Variants in BEND7 observed in about 807,000 individuals in gnomAD.
The protein encoded by BEND7 is BEN domain-containing protein 7.
BEND7 carries 28 observed loss-of-function variants against 50.9 expected under a neutral mutation model. The observed-to-expected ratio is 0.55, with a 90% CI of 0.41 to 0.75. The LOEUF is 0.75. Among genes scored for constraint, BEND7 ranks in the 30% least tolerant of loss-of-function variants. The pLI, the probability that BEND7 is intolerant of heterozygous loss-of-function variation, is 0.00. For synonymous variants in BEND7, 170 were observed against 183.9 expected (o/e 0.92, Z 0.61); for missense variants, 477 against 491.3 (o/e 0.97, Z 0.28).
At chr10:13,461,452 G>A (rs1564266088) in intron 6 of BEND7, among the ~76,000 whole-genome samples, 1 of 152,224 alleles carries the variant, frequency 6.6e-6, no homozygotes, top group Non-Finnish European at 1.5e-5. Flanking sequence ...TCTAAAGGCA[G>A]CCAGGCACAG....
intron 5 of BEND7, among the ~76,000 whole-genome samples, chr10:13,483,513 G>T (rs1278723838): frequency 6.6e-6 from 1 of 152,190 alleles, no homozygotes; most frequent in East Asian, 1.9e-4. Flanking sequence ...AAAATGACTG[G>T]TGTTGATTCA....
At chr10:13,472,101 G>A (rs555418409) in intron 6 of BEND7, among the ~76,000 whole-genome samples, 104 of 151,620 alleles carry the variant, frequency 6.9e-4, no homozygotes, top group African/African-American at 2.0e-3. Flanking sequence ...GTCGATACCC[G>A]TCATCACTGT....
downstream of BEND7, chr10:13,439,606 C>T: frequency 1.6e-5 from 17 of 1,092,458 alleles, no homozygotes; most frequent in South Asian, 3.1e-4. Context: ...AGTGACACCC[C>T]TCCTGGTTCG....
rs1472551320 is a variant in BEND7, at chr10:13,481,049, T to G, written c.913A>C (p.Thr305Pro). The G allele has an allele frequency of 2.5e-6, 4 of 1,614,058 alleles. No individual in the cohort carries two copies. Among genetic ancestry groups the G allele is most frequent in the African/African-American group, 1.3e-5 (1 of 74,984 alleles). The change falls in exon 6 of 9, where the codon ACT becomes CCT. Residue 305 changes from threonine (T) to proline (P), a missense_variant. By Grantham distance (38) the Thr-to-Pro change is conservative. This residue lies in a region of BEND7 where 396 missense variants were observed against 384.2 expected (regional missense o/e 1.03). Transcript: ENST00000466271. ...SQLDSILSNYTRSGSLLFRKL... is the reference protein window; with the variant it reads ...SQLDSILSNYPRSGSLLFRKL... Reference sequence around the variant, plus strand: ...CTAAACAGAAGGCTTCCTGAGCGAGTGTAGTTTGACAATATAGAGTCCAGC... The same window carrying G: ...CTAAACAGAAGGCTTCCTGAGCGAGGGTAGTTTGACAATATAGAGTCCAGC...
At chr10:13,503,130 A>T (rs3814660) in intron 2 of BEND7, among the ~76,000 whole-genome samples, 1 of 152,070 alleles carries the variant, frequency 6.6e-6, no homozygotes, top group Non-Finnish European at 1.5e-5. Context: ...GTTTTGCATA[A>T]CTTTGTATTT....
intron 8 of BEND7, chr10:13,446,605 T>C (rs1294717227): frequency 6.6e-6 from 1 of 152,510 alleles, no homozygotes; most frequent in African/African-American, 2.4e-5. Flanking sequence ...CCTGCCCCTC[T>C]GGCTCTCAGA....
At chr10:13,499,468 CA>C (rs1282223702) in intron 3 of BEND7, among the ~76,000 whole-genome samples, 2 of 152,084 alleles carry the variant, frequency 1.3e-5, no homozygotes, top group African/African-American at 4.8e-5. Context: ...CCCTAATGTT[CA>C]GGTTTTTTTT....
chr10:13,450,675 G>A (rs1588642937), intron 7 of BEND7, among the ~76,000 whole-genome samples: 1 of 152,110 alleles, frequency 6.6e-6, no homozygotes, highest in South Asian at 2.1e-4. Flanking sequence ...AAGTATCTGG[G>A]CAGATCATCT....
At chr10:13,508,046 G>A (rs200189228) in intron 2 of BEND7, among the ~76,000 whole-genome samples, 3 of 152,188 alleles carry the variant, frequency 2.0e-5, no homozygotes, top group Non-Finnish European at 4.4e-5. Context: ...GTGGGAGCAC[G>A]GAGCCAGGGC....
intron 6 of BEND7, among the ~76,000 whole-genome samples, chr10:13,467,144 G>C (rs1289256263): frequency 6.6e-6 from 1 of 152,192 alleles, no homozygotes; most frequent in Admixed American, 6.5e-5. Context: ...TTACACAGTG[G>C]CAACTCCCTT....
intron 6 of BEND7, among the ~76,000 whole-genome samples, chr10:13,465,536 T>C (rs2074153155): frequency 6.6e-6 from 1 of 152,178 alleles, no homozygotes; most frequent in South Asian, 2.1e-4. Context: ...GCTGATGTAA[T>C]GAAAAGGGCC....
intron 4 of BEND7, among the ~76,000 whole-genome samples, chr10:13,494,725 G>T (rs2076916160): frequency 6.6e-6 from 1 of 152,234 alleles, no homozygotes; most frequent in South Asian, 2.1e-4. Flanking sequence ...AGGAACACGG[G>T]GACTATCTGA....
intron 5 of BEND7, among the ~76,000 whole-genome samples, chr10:13,492,330 A>G (rs2076721261): frequency 6.6e-6 from 1 of 152,246 alleles, no homozygotes; most frequent in Non-Finnish European, 1.5e-5. Context: ...GAAAATTGTC[A>G]CTGCAAAATT....
intron 4 of BEND7, 55 bp from the exon 5 acceptor site, chr10:13,492,931 C>A: frequency 6.4e-7 from 1 of 1,562,656 alleles, no homozygotes; most frequent in Non-Finnish European, 8.6e-7. Flanking sequence ...CTTAGGAAAA[C>A]TTATCTCCGG....
intron 2 of BEND7, among the ~76,000 whole-genome samples, chr10:13,523,821 T>G (rs1357011872): frequency 2.0e-5 from 3 of 152,232 alleles, no homozygotes; most frequent in Admixed American, 6.5e-5. Flanking sequence ...ATTTCTGTTA[T>G]TTTTTCTTAA....
intron 7 of BEND7, among the ~76,000 whole-genome samples, chr10:13,449,136 A>C (rs1206637963): frequency 6.6e-6 from 1 of 152,152 alleles, no homozygotes. Context: ...GAAAGGCTTT[A>C]GGTATTTTAA....
At chr10:13,455,446 C>T (rs1469370133) in intron 6 of BEND7, among the ~76,000 whole-genome samples, 8 of 151,912 alleles carry the variant, frequency 5.3e-5, no homozygotes, top group Non-Finnish European at 1.2e-4. Flanking sequence ...ACAGAAGGGG[C>T]GGCTTGGTGC....
At position 13,441,156 on chromosome 10, in the gene BEND7, AAC is replaced by A. The variant is rs1356986769; in HGVS notation, c.*585_*586del. ...AGAGCATCTTGGGAATTGATACCAC[AAC>A]ACAATGTTATACACCATTTTCACAA... On this transcript the variant is annotated 3_prime_UTR_variant, in exon 9 of 9. Coordinates refer to ENST00000466271, the MANE Select transcript of BEND7 (RefSeq NM_001369863.1). 1 of 984,116 alleles carries A rather than the reference AAC, an allele frequency of 1.0e-6. No homozygotes were observed. The highest frequency in any genetic ancestry group is 1.2e-6 in the Non-Finnish European group (1 of 828,734). The allele number at this position is 984,116 out of a possible 1,614,324, so 61.0% of individuals were successfully genotyped here.
chr10:13,500,050 A>G lies in BEND7; in HGVS notation c.176T>C (p.Ile59Thr). 3.1e-6 allele frequency: 5 copies of G among 1,598,424 alleles called. No individual in the cohort carries two copies. The South Asian group carries it at 5.5e-5, about 18-fold the overall frequency. Residue 59 changes from isoleucine (I) to threonine (T), a missense_variant, in exon 3 of 9, where the codon ATT (isoleucine) becomes ACT (threonine). Ile to Thr is a moderately conservative substitution (Grantham distance 89, BLOSUM62 -1). This residue lies in a region of BEND7 where 396 missense variants were observed against 384.2 expected (regional missense o/e 1.03). Coordinates refer to ENST00000466271, the MANE Select transcript of BEND7 (RefSeq NM_001369863.1). ...GTTCAGCAATCTTCTCATCCCTGTA[A>G]TTTGCTTTTTTATTTCCATGCTTTC... ...GDESMEIKKQITGMRRLLNDS... is the reference protein window; with the variant it reads ...GDESMEIKKQTTGMRRLLNDS...
Sources: allele counts gnomAD v4.1 joint callset (sites outside exome capture counted in the v4.1 genomes callset), GRCh38; gene constraint gnomAD v4.1.1; regional missense constraint gnomAD v4.1.1; transcripts MANE v1.5; gene names NCBI Gene and HGNC (gene_info 2026-07-23, HGNC 2026-07-21).